Variants in NF1 observed in about 807,000 individuals in gnomAD.
The protein encoded by NF1 is neurofibromin.
In NF1, 122 loss-of-function variants were observed where a neutral mutation model predicts 325.7. That is an observed-to-expected ratio of 0.37 (90% CI 0.32 to 0.44). The LOEUF is 0.44. Among genes scored for constraint, NF1 ranks in the 20% least tolerant of loss-of-function variants. The pLI, the probability that NF1 is intolerant of heterozygous loss-of-function variation, is 1.00. For synonymous variants in NF1, 1,091 were observed against 1,186.0 expected, an observed-to-expected ratio of 0.92 and a Z score of 1.65; for missense variants, 2,140 against 3,415.4, an observed-to-expected ratio of 0.63 and a Z score of 9.31.
intron 36 of NF1, among the ~76,000 whole-genome samples, chr17:31,278,611 T>G (rs2068060339): frequency 6.7e-6 from 1 of 149,168 alleles, no homozygotes. Flanking sequence ...TTCGTTTATT[T>G]TTTTATTATT....
At chr17:31,112,527 C>A (rs1913504321) in intron 1 of NF1, among the ~76,000 whole-genome samples, 1 of 152,116 alleles carries the variant, frequency 6.6e-6, no homozygotes, top group African/African-American at 2.4e-5. Flanking sequence ...TTGCATTTCC[C>A]TAATGACTCA....
chr17:31,284,369 G>A (rs2068183032), intron 36 of NF1, among the ~76,000 whole-genome samples: 2 of 151,786 alleles, frequency 1.3e-5, no homozygotes, highest in Non-Finnish European at 2.9e-5. Context: ...TGCAACCTCC[G>A]CCCCCCAGGT....
rs189462316 is a variant in NF1 at position 31,264,984 on chromosome 17, A to G, written c.4725-245A>G. Among the ~76,000 whole-genome samples the G allele has an allele frequency of 4.7e-3, 712 of 152,292 alleles. 6 individuals are homozygous for G. Among genetic ancestry groups the G allele is most frequent in the Non-Finnish European group, 7.5e-3 (510 of 68,016 alleles). ...CTGGGACAAAAATGTCATGAGTAAA[A>G]CCAATCCTATGGTTAATATTCTTGC... On this transcript the variant is annotated intron_variant, in intron 35 of 57. Coordinates refer to ENST00000358273, the MANE Select transcript of NF1 (RefSeq NM_001042492.3).
At chr17:31,110,656 T>G (rs1282044654) in intron 1 of NF1, among the ~76,000 whole-genome samples, 1 of 151,992 alleles carries the variant, frequency 6.6e-6, no homozygotes, top group Non-Finnish European at 1.5e-5. Flanking sequence ...TTGAAGTTCA[T>G]CAGACAAAGA....
At chr17:31,198,817 C>T (rs189158712) in intron 8 of NF1, among the ~76,000 whole-genome samples, 2 of 151,976 alleles carry the variant, frequency 1.3e-5, no homozygotes, top group Non-Finnish European at 2.9e-5. Context: ...GGGGGTTTTA[C>T]CATGTTGATC....
At chr17:31,321,506 C>T (rs2069191726) in intron 36 of NF1, 2 of 152,256 alleles carry the variant, frequency 1.3e-5, no homozygotes, top group East Asian at 3.9e-4. Flanking sequence ...TTACAAAATG[C>T]TTGGTCAAAA....
At chr17:31,178,639 A>G (rs1375892007) in intron 5 of NF1, among the ~76,000 whole-genome samples, 4 of 152,192 alleles carry the variant, frequency 2.6e-5, no homozygotes, top group African/African-American at 9.7e-5. Flanking sequence ...AAAGTTACAC[A>G]TAGGCTCAAA....
chr17:31,192,075 T>A (rs17880202), intron 8 of NF1, among the ~76,000 whole-genome samples: 9 of 152,254 alleles, frequency 5.9e-5, no homozygotes, highest in Admixed American at 4.6e-4. Context: ...TATCTTTTTT[T>A]AAAAAGAAAT....
intron 48 of NF1, among the ~76,000 whole-genome samples, chr17:31,343,819 G>A (rs563662159): frequency 1.6e-4 from 24 of 152,110 alleles, no homozygotes; most frequent in Non-Finnish European, 2.6e-4. Flanking sequence ...AGCCAGGTGC[G>A]GTGGCACATG....
At position 31,184,268 on chromosome 17, in the gene NF1, C is replaced by T. The variant is rs148492083; in HGVS notation, c.888+1603C>T. Among the ~76,000 whole-genome samples the T allele has an allele frequency of 4.5e-3, 691 of 152,250 alleles. 6 individuals are homozygous for T. Among genetic ancestry groups the T allele is most frequent in the African/African-American group, 0.016 (661 of 41,528 alleles). ...AGGCAAGGAGTTTAGTGACCCTATACATAATAATACCTTTGACCATATATG... is the reference window on the plus strand; with the variant it reads ...AGGCAAGGAGTTTAGTGACCCTATATATAATAATACCTTTGACCATATATG... On this transcript the variant is annotated intron_variant, in intron 8 of 57. Transcript: ENST00000358273.
intron 30 of NF1, chr17:31,252,723 A>G (rs1026228944): frequency 5.4e-6 from 3 of 558,214 alleles, no homozygotes; most frequent in Non-Finnish European, 9.6e-6. Flanking sequence ...TTGGGTCTCA[A>G]CATTTCTTGC....
intron 29 of NF1, among the ~76,000 whole-genome samples, chr17:31,238,699 A>G (rs2067244079): frequency 6.6e-6 from 1 of 150,446 alleles, no homozygotes; most frequent in Non-Finnish European, 1.5e-5. Context: ...GCACCACTGC[A>G]CTCCAGCCTG....
At chr17:31,228,953 A>G (rs777315699) in intron 20 of NF1, 72 bp from the exon 21 acceptor site, 467 of 1,209,512 alleles carry the variant, frequency 3.9e-4, no homozygotes, top group Non-Finnish European at 5.0e-4. Context: ...GAAATGTTGG[A>G]TAAAGCATAA....
At chr17:31,256,051 TTATAAA>T (rs1412742009) in intron 31 of NF1, among the ~76,000 whole-genome samples, 4 of 152,200 alleles carry the variant, frequency 2.6e-5, no homozygotes, top group African/African-American at 9.6e-5. Flanking sequence ...TTTAAAATAA[TTATAAA>T]GCAGTTTTTA....
chr17:31,122,401 A>G (rs891244644), intron 1 of NF1, among the ~76,000 whole-genome samples: 5 of 152,234 alleles, frequency 3.3e-5, no homozygotes, highest in African/African-American at 1.2e-4. Context: ...AGTTATTCAT[A>G]AAGGACTTAA....
At chr17:31,144,744 C>G (rs1314989642) in intron 1 of NF1, among the ~76,000 whole-genome samples, 1 of 152,162 alleles carries the variant, frequency 6.6e-6, no homozygotes, top group East Asian at 1.9e-4. Context: ...GAAATAAAAA[C>G]TGTCAGACCA....
rs878853897 is a variant in NF1, at chr17:31,260,474, G to C, written c.4536G>C (p.Trp1512Cys). 1.9e-6 allele frequency: 3 copies of C among 1,613,954 alleles called. No individual in the cohort carries two copies. The highest frequency in any genetic ancestry group is 2.5e-6 in the Non-Finnish European group (3 of 1,179,956). Reference protein sequence around the residue: ...GNVLALHRLLWNNQEKIGQYL... With the variant: ...GNVLALHRLLCNNQEKIGQYL... ...TGCTTGCTTTACATCGTCTACTCTG[G>C]AACAATCAGGAGAAAATTGGGCAGT... The change falls in exon 34 of 58, where the codon TGG becomes TGC. Residue 1512 changes from tryptophan to cysteine, a missense_variant. Physicochemically the swap from Trp to Cys is radical, Grantham distance 215 (BLOSUM62 -2). Coordinates refer to ENST00000358273, the MANE Select transcript of NF1 (RefSeq NM_001042492.3).
At chr17:31,218,218 C>A (rs2066856940) in intron 13 of NF1, among the ~76,000 whole-genome samples, 1 of 152,122 alleles carries the variant, frequency 6.6e-6, no homozygotes, top group Non-Finnish European at 1.5e-5. Context: ...AAGTTCCAAA[C>A]CAGAGATACG....
At chr17:31,167,264 T>C (rs2065861360) in intron 4 of NF1, among the ~76,000 whole-genome samples, 1 of 152,212 alleles carries the variant, frequency 6.6e-6, no homozygotes, top group Non-Finnish European at 1.5e-5. Flanking sequence ...TTTTTAGCAT[T>C]GAGGACAACC....
Sources: allele counts gnomAD v4.1 joint callset (sites outside exome capture counted in the v4.1 genomes callset), GRCh38; gene constraint gnomAD v4.1.1; transcripts MANE v1.5; gene names NCBI Gene and HGNC (gene_info 2026-07-23, HGNC 2026-07-21).